The following SNX29 variants were observed in gnomAD, a reference collection of about 807,000 sequenced individuals.
SNX29 encodes the protein sorting nexin 29.
SNX29 carries 78 observed loss-of-function variants against 102.1 expected under a neutral mutation model. The observed-to-expected ratio is 0.76, with a 90% CI of 0.64 to 0.92. The LOEUF (loss-of-function observed/expected upper bound fraction) is 0.92. Among genes scored for constraint, SNX29 ranks in the 40% least tolerant of loss-of-function variants. The pLI is 0.00. For missense variants in SNX29, 1,280 were observed against 1,061.7 expected (o/e 1.21, Z -2.86); for synonymous variants, 580 against 414.5 (o/e 1.40, Z -4.85).
chr16:12,209,994 G>T (rs1567314630), intron 14 of SNX29, among the ~76,000 whole-genome samples: 2 of 152,214 alleles, frequency 1.3e-5, no homozygotes, highest in Non-Finnish European at 2.9e-5. Flanking sequence ...GTTTCTGTCT[G>T]TGTGCACGTG....
chr16:12,377,656 AGTGCTGATG>A (rs1035525106), intron 16 of SNX29, among the ~76,000 whole-genome samples: 5 of 152,202 alleles, frequency 3.3e-5, no homozygotes, highest in African/African-American at 1.2e-4. Flanking sequence ...AACAGATAGT[AGTGCTGATG>A]GTGGTTACGG....
chr16:12,468,494 C>T (rs2087179173), intron 18 of SNX29, among the ~76,000 whole-genome samples: 1 of 152,126 alleles, frequency 6.6e-6, no homozygotes, highest in African/African-American at 2.4e-5. Context: ...GCAGATCAAA[C>T]ATCAAAGCTC....
intron 13 of SNX29, among the ~76,000 whole-genome samples, chr16:12,152,161 C>T (rs1020680725): frequency 1.3e-5 from 2 of 151,916 alleles, no homozygotes; most frequent in Admixed American, 1.3e-4. Flanking sequence ...GTGAAGGTTG[C>T]AGTAAGCTGA....
At chr16:12,053,605 T>G (rs1279771439) in intron 8 of SNX29, among the ~76,000 whole-genome samples, 1 of 152,110 alleles carries the variant, frequency 6.6e-6, no homozygotes, top group Non-Finnish European at 1.5e-5. Flanking sequence ...TGGTATTGTT[T>G]AGGCTGCAGT....
intron 3 of SNX29, among the ~76,000 whole-genome samples, chr16:12,014,360 G>C (rs1476893267): frequency 2.0e-5 from 3 of 152,028 alleles, no homozygotes; most frequent in Non-Finnish European, 4.4e-5. Context: ...GAGTATCCAG[G>C]CAGCATTTGC....
chr16:12,444,825 C>T (rs766377751), intron 18 of SNX29, among the ~76,000 whole-genome samples: 3 of 146,446 alleles, frequency 2.0e-5, no homozygotes, highest in Admixed American at 7.1e-5. Flanking sequence ...ATTGTCCCCT[C>T]GACAGTGTTT....
At chr16:12,053,799 T>G (rs1465534011) in intron 8 of SNX29, among the ~76,000 whole-genome samples, 17 of 152,052 alleles carry the variant, frequency 1.1e-4, no homozygotes, top group Non-Finnish European at 1.5e-5. Context: ...TGCAGATGAT[T>G]TATACCCTAT....
At chr16:12,219,912 C>G (rs986749847) in intron 14 of SNX29, among the ~76,000 whole-genome samples, 1 of 152,192 alleles carries the variant, frequency 6.6e-6, no homozygotes, top group Non-Finnish European at 1.5e-5. Flanking sequence ...ACTCCACAGC[C>G]CCCCAGCGCA....
intron 16 of SNX29, among the ~76,000 whole-genome samples, chr16:12,358,220 G>A (rs185963637): frequency 2.6e-5 from 4 of 152,264 alleles, no homozygotes; most frequent in South Asian, 2.1e-4. Context: ...AAAAGTTCCT[G>A]CTGACGCTTT....
chr16:12,254,248 G>A (rs76837314), intron 14 of SNX29, among the ~76,000 whole-genome samples: 1 of 152,298 alleles, frequency 6.6e-6, no homozygotes, highest in East Asian at 1.9e-4. Flanking sequence ...GGTATTGAAA[G>A]CCCCAAAACT....
At chr16:12,279,730 C>T (rs1446926478) in intron 15 of SNX29, among the ~76,000 whole-genome samples, 1 of 152,192 alleles carries the variant, frequency 6.6e-6, no homozygotes, top group East Asian at 1.9e-4. Flanking sequence ...CACTTATTGG[C>T]AAATGGTAGG....
chr16:12,256,553 C>G (rs373649666), intron 14 of SNX29, among the ~76,000 whole-genome samples: 9 of 152,286 alleles, frequency 5.9e-5, no homozygotes, highest in East Asian at 1.9e-4. Flanking sequence ...GTCTTGAACT[C>G]CTGACCTCAA....
chr16:12,159,109 G>T (rs1245844726), intron 13 of SNX29, among the ~76,000 whole-genome samples: 1 of 152,208 alleles, frequency 6.6e-6, no homozygotes, highest in Non-Finnish European at 1.5e-5. Context: ...TGGAATGAAG[G>T]TTCCATGTGC....
At chr16:12,313,664 G>A (rs971876815) in intron 15 of SNX29, among the ~76,000 whole-genome samples, 38 of 152,268 alleles carry the variant, frequency 2.5e-4, no homozygotes, top group African/African-American at 7.7e-4. Context: ...GCTGACTCAG[G>A]GCCCCATGAG....
At chr16:12,156,778 A>T (rs1217752466) in intron 13 of SNX29, among the ~76,000 whole-genome samples, 1 of 152,182 alleles carries the variant, frequency 6.6e-6, no homozygotes, top group Non-Finnish European at 1.5e-5. Context: ...TGTTTATCCA[A>T]CGTCAGGAGA....
chr16:12,139,415 C>A (rs1164433412), intron 13 of SNX29, among the ~76,000 whole-genome samples: 1 of 152,152 alleles, frequency 6.6e-6, no homozygotes, highest in Non-Finnish European at 1.5e-5. Flanking sequence ...CGTCCTTGCA[C>A]CTAGCACAGT....
intron 15 of SNX29, among the ~76,000 whole-genome samples, chr16:12,300,780 G>T (rs1439818763): frequency 3.9e-5 from 6 of 152,184 alleles, no homozygotes; most frequent in Non-Finnish European, 4.4e-5. Flanking sequence ...GGACTGCGTA[G>T]CTGTTTGCTG....
At chr16:11,983,419 T>C (rs1196175208) in intron 1 of SNX29, among the ~76,000 whole-genome samples, 1 of 152,056 alleles carries the variant, frequency 6.6e-6, no homozygotes. Context: ...AGTTTTCTCC[T>C]CGGCACTGAC....
In SNX29 at chr16:12,331,142, C is replaced by T. The variant is rs1235396037; in HGVS notation, c.1783-25021C>T. ...CTCTGCTGGTATGAGCTTGGCAGGC[C>T]TGACTGGCCCTTCTCCAGAGAGAGC... is the stretch of plus-strand genomic sequence containing the variant. On this transcript the variant is annotated intron_variant, in intron 15 of 20. Transcript: ENST00000566228. Among the ~76,000 whole-genome samples, 3 of 152,132 alleles carry T rather than the reference C, an allele frequency of 2.0e-5. No individual in the cohort carries two copies. In the East Asian group the frequency reaches 5.8e-4, roughly 29 times the overall value.
Sources: allele counts gnomAD v4.1 joint callset (sites outside exome capture counted in the v4.1 genomes callset), GRCh38; gene constraint gnomAD v4.1.1; transcripts MANE v1.5; gene names NCBI Gene and HGNC (gene_info 2026-07-23, HGNC 2026-07-21).